NME9: variants seen among roughly 807,000 people sequenced by gnomAD.
The protein encoded by NME9 is thioredoxin domain-containing protein 6.
NME9 carries 48 observed loss-of-function variants against 44.4 expected under a neutral mutation model. That is an observed-to-expected ratio of 1.08 (90% confidence interval 0.86 to 1.37). The LOEUF (loss-of-function observed/expected upper bound fraction) is 1.37, where lower values mean the gene tolerates loss of function less well. NME9 is among the 40% of genes most tolerant of loss of function. The pLI, the probability that NME9 is intolerant of heterozygous loss-of-function variation, is 0.00. For missense variants in NME9, 325 were observed against 405.2 expected (o/e 0.80, Z 1.70); for synonymous variants, 139 against 147.1 (o/e 0.94, Z 0.40).
At chr3:138,309,039 C>T (rs1234782163) in intron 6 of NME9, among the ~76,000 whole-genome samples, 1 of 151,588 alleles carries the variant, frequency 6.6e-6, no homozygotes, top group East Asian at 1.9e-4. Flanking sequence ...GCATGGTGGC[C>T]CAGCACTTTG....
chr3:138,294,081 C>G (rs2051243579), intron 8 of NME9, among the ~76,000 whole-genome samples: 1 of 152,286 alleles, frequency 6.6e-6, no homozygotes, highest in East Asian at 1.9e-4. Flanking sequence ...CCAAAATAAT[C>G]AAACCTAGCC....
At chr3:138,281,362 G>A (rs1294642776) in intron 8 of NME9, among the ~76,000 whole-genome samples, 1 of 150,810 alleles carries the variant, frequency 6.6e-6, no homozygotes, top group African/African-American at 2.4e-5. Flanking sequence ...ACGCGATATC[G>A]GCTCACTGCA....
downstream of NME9, among the ~76,000 whole-genome samples, chr3:138,299,834 GCT>G (rs2051748956): frequency 6.6e-6 from 1 of 152,118 alleles, no homozygotes; most frequent in South Asian, 2.1e-4. Context: ...GGTCCTGGTG[GCT>G]CCATCTCTCA....
At chr3:138,303,692 GA>G (rs2052011244) in intron 9 of NME9, 49 bp from the exon 10 acceptor site, 5 of 1,569,232 alleles carry the variant, frequency 3.2e-6, no homozygotes, top group Non-Finnish European at 4.4e-6. Flanking sequence ...CATTTGAAAA[GA>G]AATGTTTTGC....
chr3:138,315,663 G>A lies in NME9; in HGVS notation c.268-20C>T. 6.7e-7 allele frequency: 1 copy of A among 1,483,668 alleles called. No homozygotes were observed. The allele number at this position is 1,483,668 out of a possible 1,614,324, so 91.9% of individuals were successfully genotyped here. On this transcript the variant is annotated intron_variant, in intron 4 of 10. Transcript: ENST00000333911. ...TCCTCCCTAGAATACGTTACAAACA[G>A]CATGAAATACTCTTGGCAAATATTA... is the stretch of plus-strand genomic sequence containing the variant.
At chr3:138,306,181 T>G in intron 7 of NME9, 85 bp from the exon 8 acceptor site, 2 of 1,061,646 alleles carry the variant, frequency 1.9e-6, no homozygotes, top group South Asian at 1.3e-5. Context: ...AGGTAAAAAA[T>G]AAAGACAGGC....
Position 138,288,531 on chromosome 3 carries a change from C to T in NME9, c.745+14976G>A, listed in dbSNP as rs367693231. Among the ~76,000 whole-genome samples the T allele has an allele frequency of 6.6e-5, 10 of 152,212 alleles. No individual in the cohort carries two copies. The East Asian group carries it at 1.9e-3, about 29-fold the overall frequency. On this transcript the variant is annotated intron_variant, in intron 8 of 8. Transcript: ENST00000317876. ...GCAAGGCTTGTACTCCTCAATTTGC[C>T]AGATTCTCCACTGTCCCTTGTTATC...
At chr3:138,328,718 AG>A (rs750437718) in intron 1 of NME9, among the ~76,000 whole-genome samples, 1 of 152,242 alleles carries the variant, frequency 6.6e-6, no homozygotes, top group Non-Finnish European at 1.5e-5. Context: ...AGGACCAAGA[AG>A]AAGAGCAGCT....
At chr3:138,327,221 T>C (rs1032684185) in intron 1 of NME9, 1 of 150,742 alleles carries the variant, frequency 6.6e-6, no homozygotes, top group African/African-American at 2.4e-5. Context: ...TTTGTTTCAA[T>C]GAAAAGTAGA....
chr3:138,280,576 C>A (rs367723924), intron 8 of NME9, among the ~76,000 whole-genome samples: 1 of 150,560 alleles, frequency 6.6e-6, no homozygotes. Context: ...TCACTGCAAG[C>A]TCCGTCTTCC....
At chr3:138,309,136 C>CAA (rs59172479) in intron 6 of NME9, among the ~76,000 whole-genome samples, 1 of 147,434 alleles carries the variant, frequency 6.8e-6, no homozygotes, top group African/African-American at 2.5e-5. Flanking sequence ...ACTAAAAATA[C>CAA]AAAAAAAAAA....
chr3:138,305,890 C>A, intron 8 of NME9, 114 bp downstream of exon 8: 1 of 744,770 alleles, frequency 1.3e-6, no homozygotes. Flanking sequence ...ACTTGCTGTT[C>A]CTATTTTGGT....
At chr3:138,264,200 A>G (rs747721067) in intron 8 of NME9, 2 of 1,613,670 alleles carry the variant, frequency 1.2e-6, no homozygotes, top group South Asian at 2.2e-5. Flanking sequence ...CTGTTTGGAA[A>G]CCTTTAATGA....
intron 8 of NME9, among the ~76,000 whole-genome samples, chr3:138,292,102 A>G (rs1218811269): frequency 6.6e-6 from 1 of 151,778 alleles, no homozygotes; most frequent in African/African-American, 2.4e-5. Context: ...CAATGGCGTG[A>G]TCTTGGCTCA....
chr3:138,279,750 G>C (rs575954570), intron 8 of NME9, among the ~76,000 whole-genome samples: 2 of 152,132 alleles, frequency 1.3e-5, no homozygotes, highest in African/African-American at 2.4e-5. Context: ...TCTGTTTCTT[G>C]TGTGAGCTTT....
chr3:138,272,885 A>C (rs2048927893), intron 8 of NME9: 1 of 1,245,772 alleles, frequency 8.0e-7, no homozygotes, highest in Non-Finnish European at 1.1e-6. Flanking sequence ...AAAATAAAAA[A>C]AAATTACCAG....
intron 1 of NME9, among the ~76,000 whole-genome samples, chr3:138,326,254 C>A (rs1235087079): frequency 6.6e-6 from 1 of 152,176 alleles, no homozygotes; most frequent in Non-Finnish European, 1.5e-5. Context: ...TACTCCCTAG[C>A]AGATGAGACA....
chr3:138,275,622 A>G (rs1173383273), intron 8 of NME9, among the ~76,000 whole-genome samples: 1 of 152,048 alleles, frequency 6.6e-6, no homozygotes, highest in African/African-American at 2.4e-5. Flanking sequence ...AAACTCGCCC[A>G]AGGTCATCAG....
At chr3:138,319,004 C>G (rs2053288774) in intron 3 of NME9, among the ~76,000 whole-genome samples, 1 of 152,008 alleles carries the variant, frequency 6.6e-6, no homozygotes, top group African/African-American at 2.4e-5. Context: ...TCTAGACCAG[C>G]CTGGGCAATA....
Sources: allele counts gnomAD v4.1 joint callset (sites outside exome capture counted in the v4.1 genomes callset), GRCh38; gene constraint gnomAD v4.1.1; transcripts MANE v1.5; gene names NCBI Gene and HGNC (gene_info 2026-07-23, HGNC 2026-07-21).